Variants in LRMDA observed in about 807,000 individuals in gnomAD.
LRMDA encodes leucine rich melanocyte differentiation associated.
A neutral mutation model predicts 29.8 loss-of-function variants in LRMDA; 18 were observed. The ratio of observed to expected loss-of-function variants is 0.60; its 90% CI spans 0.42 to 0.90. The LOEUF (loss-of-function observed/expected upper bound fraction) is 0.90. Ranked by LOEUF, LRMDA falls within the 40% of genes least tolerant of loss-of-function variation. The pLI is 0.00. For missense variants in LRMDA, 273 were observed against 273.9 expected (o/e 1.00, Z 0.02); for synonymous variants, 125 against 109.4 (o/e 1.14, Z -0.89).
At chr10:76,084,561 T>A (rs550048670) in intron 5 of LRMDA, among the ~76,000 whole-genome samples, 1 of 152,008 alleles carries the variant, frequency 6.6e-6, no homozygotes, top group South Asian at 2.1e-4. Context: ...CAAGTCATAG[T>A]TTTCAATCAT....
intron 5 of LRMDA, among the ~76,000 whole-genome samples, chr10:76,238,477 C>CG (rs376614082): frequency 6.6e-6 from 1 of 151,702 alleles, no homozygotes. Context: ...AGGACCCCCC[C>CG]GCCCTCCCAT....
At chr10:75,754,714 G>A (rs571064039) in intron 2 of LRMDA, among the ~76,000 whole-genome samples, 2 of 152,034 alleles carry the variant, frequency 1.3e-5, no homozygotes, top group Non-Finnish European at 1.5e-5. Flanking sequence ...TTCTTTCTTT[G>A]ATTTGTTTTT....
intron 6 of LRMDA, among the ~76,000 whole-genome samples, chr10:76,443,823 G>T (rs1355498353): frequency 6.6e-6 from 1 of 152,098 alleles, no homozygotes; most frequent in Non-Finnish European, 1.5e-5. Context: ...ACAAGTAATT[G>T]GTTCTGTGAG....
At chr10:75,892,088 G>A (rs1465001219) in intron 2 of LRMDA, among the ~76,000 whole-genome samples, 1 of 152,166 alleles carries the variant, frequency 6.6e-6, no homozygotes, top group Non-Finnish European at 1.5e-5. Context: ...TGATCAATGG[G>A]TTTTGGTGAT....
intron 2 of LRMDA, among the ~76,000 whole-genome samples, chr10:75,506,485 T>TTG (rs201422330): frequency 3.9e-5 from 1 of 25,412 alleles, no homozygotes; most frequent in Non-Finnish European, 8.2e-5. Context: ...TTTCTGTTGT[T>TTG]TTTTTTTGGT....
At chr10:76,279,241 A>AGTTACTTAT (rs1333603162) in intron 5 of LRMDA, among the ~76,000 whole-genome samples, 6 of 152,190 alleles carry the variant, frequency 3.9e-5, no homozygotes, top group African/African-American at 1.4e-4. Flanking sequence ...AAGTTACTTA[A>AGTTACTTAT]CCTTTCTAGG....
At chr10:75,609,600 A>T (rs1015017928) in intron 2 of LRMDA, among the ~76,000 whole-genome samples, 2 of 152,202 alleles carry the variant, frequency 1.3e-5, no homozygotes, top group Admixed American at 1.3e-4. Context: ...AAAGTTGCAA[A>T]ATTAGAATAA....
intron 5 of LRMDA, among the ~76,000 whole-genome samples, chr10:76,143,015 A>G (rs1171702952): frequency 2.6e-5 from 4 of 152,176 alleles, no homozygotes; most frequent in Non-Finnish European, 5.9e-5. Context: ...TACAAAGGAC[A>G]TGAACGCATC....
chr10:75,616,578 A>G (rs1458358928), intron 2 of LRMDA, among the ~76,000 whole-genome samples: 4 of 152,246 alleles, frequency 2.6e-5, no homozygotes. Context: ...TGGTATGTAC[A>G]TAGAGCTTCT....
intron 2 of LRMDA, among the ~76,000 whole-genome samples, chr10:75,826,954 T>G (rs926692015): frequency 1.1e-4 from 17 of 152,180 alleles, no homozygotes; most frequent in Non-Finnish European, 1.5e-4. Context: ...GGCAGAAAAT[T>G]ACTTTTTTTG....
intron 2 of LRMDA, among the ~76,000 whole-genome samples, chr10:76,035,111 T>C (rs78349646): frequency 2.0e-5 from 3 of 151,760 alleles, no homozygotes; most frequent in African/African-American, 4.8e-5. Flanking sequence ...TTTTTTTTTT[T>C]CCTGGAGCCG....
At chr10:75,957,498 G>A (rs1168690458) in intron 2 of LRMDA, among the ~76,000 whole-genome samples, 1 of 152,204 alleles carries the variant, frequency 6.6e-6, no homozygotes, top group African/African-American at 2.4e-5. Context: ...AGTTTCTGCT[G>A]CACGGTATTG....
At chr10:75,606,880 C>T (rs559402013) in intron 2 of LRMDA, among the ~76,000 whole-genome samples, 1 of 152,292 alleles carries the variant, frequency 6.6e-6, no homozygotes, top group African/African-American at 2.4e-5. Flanking sequence ...CTGGCCATCC[C>T]TGCTAATGGA....
chr10:76,300,575 T>C (rs1840468200), intron 5 of LRMDA, among the ~76,000 whole-genome samples: 1 of 152,276 alleles, frequency 6.6e-6, no homozygotes, highest in Non-Finnish European at 1.5e-5. Context: ...ACAGGTTCTC[T>C]GTCTTTCTCT....
chr10:76,296,596 A>G (rs1392274744), intron 5 of LRMDA, among the ~76,000 whole-genome samples: 1 of 152,226 alleles, frequency 6.6e-6, no homozygotes, highest in East Asian at 1.9e-4. Context: ...CAAATTGTAA[A>G]CAAATTATTT....
At chr10:75,963,720 G>C (rs574823099) in intron 2 of LRMDA, among the ~76,000 whole-genome samples, 1 of 152,138 alleles carries the variant, frequency 6.6e-6, no homozygotes, top group Non-Finnish European at 1.5e-5. Flanking sequence ...TTTTGAGTGA[G>C]GGCAAAAGAG....
At chr10:75,577,460 C>G (rs1840521399) in intron 2 of LRMDA, among the ~76,000 whole-genome samples, 5 of 152,140 alleles carry the variant, frequency 3.3e-5, no homozygotes, top group Admixed American at 3.3e-4. Context: ...AGTTGGAAAA[C>G]AGTATTCAGG....
At chr10:75,444,817 T>C (rs1844371581) in intron 2 of LRMDA, among the ~76,000 whole-genome samples, 1 of 152,226 alleles carries the variant, frequency 6.6e-6, no homozygotes, top group Non-Finnish European at 1.5e-5. Context: ...ACCATTGTTA[T>C]CATTGTATTG....
chr10:75,440,698 A>T (rs528641767), intron 2 of LRMDA, among the ~76,000 whole-genome samples: 1 of 152,172 alleles, frequency 6.6e-6, no homozygotes, highest in African/African-American at 2.4e-5. Context: ...AGCTGAATCA[A>T]CATCTAAGAT....
Sources: gnomAD v4.1 joint callset for allele counts (sites outside exome capture counted in the v4.1 genomes callset) on GRCh38, gnomAD v4.1.1 for gene constraint, MANE v1.5 for transcripts, NCBI Gene and HGNC (gene_info 2026-07-23, HGNC 2026-07-21) for gene names.